Variants in SYNE1 observed in about 807,000 individuals in gnomAD.
SYNE1 encodes nesprin-1.
Under a neutral mutation model 1,111.0 loss-of-function variants are expected in SYNE1, and 616 were observed. That is an observed-to-expected ratio of 0.55 (90% CI 0.52 to 0.59). The LOEUF (loss-of-function observed/expected upper bound fraction) is 0.59, where lower values mean the gene tolerates loss of function less well. SYNE1 is among the 20% of genes least tolerant of loss of function. SYNE1 has a pLI of 0.00. For synonymous variants in SYNE1, 3,855 were observed against 3,825.8 expected (o/e 1.01, Z -0.28); for missense variants, 10,006 against 10,417.0 (o/e 0.96, Z 1.72).
intron 131 of SYNE1, among the ~76,000 whole-genome samples, chr6:152,157,499 G>T (rs112767245): frequency 1.5e-3 from 235 of 152,232 alleles, no homozygotes; most frequent in African/African-American, 4.5e-3. Context: ...CTTAATGTTC[G>T]ATAGAGTAGA....
chr6:152,143,725 G>C lies in SYNE1; in HGVS notation c.25017C>G (p.Gly8339=). The C allele has an allele frequency of 6.2e-7, 1 of 1,614,182 alleles. No individual in the cohort carries two copies. Among genetic ancestry groups the C allele is most frequent in the Non-Finnish European group, 8.5e-7 (1 of 1,180,044 alleles). Residue 8339 remains glycine, a synonymous_variant, in exon 138 of 146, where the codon GGC becomes GGG. Transcript: ENST00000367255. ...GAAAACGGCTATCATCCAGGGCTTT[G>C]CCCAGTTGTCGGATCTGTGACTCTA... ...SALESQIRQL[G]KALDDSRFQI...
At chr6:152,187,728 T>TGAGAGA (rs200143003) in intron 128 of SYNE1, among the ~76,000 whole-genome samples, 1 of 150,880 alleles carries the variant, frequency 6.6e-6, no homozygotes, top group Non-Finnish European at 1.5e-5. Context: ...TTTGTGTGTG[T>TGAGAGA]GAGAGAGAGA....
At chr6:152,336,587 C>T in intron 76 of SYNE1, 1 of 534,272 alleles carries the variant, frequency 1.9e-6, no homozygotes, top group Non-Finnish European at 3.4e-6. Flanking sequence ...TCTGATGTGG[C>T]CTCTGATCTG....
chr6:152,306,903 C>CAAA (rs973985274), intron 91 of SYNE1, among the ~76,000 whole-genome samples: 23 of 60,508 alleles, frequency 3.8e-4, no homozygotes, highest in African/African-American at 6.6e-4. Flanking sequence ...GACTGTGTCT[C>CAAA]AAAAAAAAAA....
At position 152,463,225 on chromosome 6, in the gene SYNE1, G is replaced by A. The variant is rs1313720433; in HGVS notation, c.2097+128C>T. ...TGAAGAACCAACCATAAAACACACC[G>A]GTTTTAAACATATCTATGCTTTGCC... On this transcript the variant is annotated intron_variant, in intron 19 of 145. Transcript: ENST00000367255. The A allele has an allele frequency of 5.4e-6, 7 of 1,305,224 alleles. No homozygotes were observed. The Admixed American group carries it at 5.6e-5, about 11-fold the overall frequency. The allele number at this position is 1,305,224 out of a possible 1,614,324, so 80.9% of individuals were successfully genotyped here. A position where few individuals can be genotyped will look rare whatever the true frequency, so the allele number is the denominator to read the frequency against.
In SYNE1 at chr6:152,206,170, TCAA is replaced by T; in HGVS notation, c.23014_23016del (p.Leu7672del). On this transcript the variant is annotated inframe_deletion, in exon 126 of 146. Coordinates refer to ENST00000367255, the MANE Select transcript of SYNE1 (RefSeq NM_182961.4). ...CGTTTTTTTCTAACTGAACTTACTT[TCAA>T]CAAGAAGGCTAGTTTTTTCTTCTGT... The T allele has an allele frequency of 6.2e-7, 1 of 1,613,444 alleles. No individual in the cohort carries two copies. The highest frequency in any genetic ancestry group is 8.5e-7 in the Non-Finnish European group (1 of 1,180,008).
intron 4 of SYNE1, among the ~76,000 whole-genome samples, chr6:152,533,538 T>C (rs2099216085): frequency 6.6e-6 from 1 of 152,158 alleles, no homozygotes; most frequent in African/African-American, 2.4e-5. Context: ...GTTGGCTTCA[T>C]TTTCAAAAGT....
chr6:152,631,463 G>A (rs575351883), intron 2 of SYNE1, among the ~76,000 whole-genome samples: 2 of 152,272 alleles, frequency 1.3e-5, no homozygotes, highest in East Asian at 3.9e-4. Flanking sequence ...TTCTCTAGCA[G>A]GCAACAGGAA....
At chr6:152,289,924 C>CG (rs2094516489) in intron 95 of SYNE1, among the ~76,000 whole-genome samples, 1 of 115,302 alleles carries the variant, frequency 8.7e-6, no homozygotes, top group Non-Finnish European at 1.8e-5. Context: ...CCGCGCCCAG[C>CG]CTTTTTTTTT....
chr6:152,332,590 G>A (rs2096272724), intron 77 of SYNE1, among the ~76,000 whole-genome samples: 1 of 152,156 alleles, frequency 6.6e-6, no homozygotes, highest in Admixed American at 6.5e-5. Context: ...AAATGATACT[G>A]AAAGAAATTA....
chr6:152,167,814 C>A (rs775006964), intron 130 of SYNE1: 5 of 607,256 alleles, frequency 8.2e-6, no homozygotes, highest in South Asian at 6.9e-5. Context: ...TGTGTCTCAG[C>A]CTCTCTACTC....
At chr6:152,490,820 A>G (rs758996398) in intron 11 of SYNE1, among the ~76,000 whole-genome samples, 2 of 152,168 alleles carry the variant, frequency 1.3e-5, no homozygotes, top group Non-Finnish European at 2.9e-5. Context: ...CTCCATGAGA[A>G]GATCCACCTA....
At position 152,152,003 on chromosome 6, in the gene SYNE1, C is replaced by T; in HGVS notation, c.24268G>A (p.Asp8090Asn). ...GAGGTGACACGCTTTTGCAGGTTGT[C>T]CCATCTCTGGTTGCCTTCGTGAACC... ...QMVHEGNQRW[D>N]NLQKRVTSIL... The change falls in exon 134 of 146, where the codon GAC becomes AAC. Residue 8090 changes from aspartate (D) to asparagine (N), a missense_variant. Transcript: ENST00000367255. 8 of 1,614,160 alleles carry T rather than the reference C, an allele frequency of 5.0e-6. No individual in the cohort carries two copies. Among genetic ancestry groups the T allele is most frequent in the Non-Finnish European group, 6.8e-6 (8 of 1,180,042 alleles).
At chr6:152,418,557 G>T (rs1322628638) in intron 40 of SYNE1, among the ~76,000 whole-genome samples, 3 of 152,130 alleles carry the variant, frequency 2.0e-5, no homozygotes, top group Non-Finnish European at 4.4e-5. Context: ...CGGAATTTTT[G>T]AATGTTTTCT....
At position 152,310,480 on chromosome 6, in the gene SYNE1, T is replaced by C. The variant is rs1227263066; in HGVS notation, c.16935A>G (p.Gln5645=). Residue 5645 remains glutamine, a synonymous_variant, in exon 89 of 146, where the codon CAA becomes CAG. Coordinates refer to ENST00000367255, the MANE Select transcript of SYNE1 (RefSeq NM_182961.4). ...KKFEAELKKL[Q]AALEQAQATL... ...TTGCCTGGGCTTGCTCCAAGGCAGC[T>C]TGTAACTTTTTCAACTCTGCTTCAA... 6.2e-7 allele frequency: 1 copy of C among 1,614,142 alleles called. No individual in the cohort carries two copies. The highest frequency in any genetic ancestry group is 1.1e-5 in the South Asian group (1 of 91,084).
In SYNE1 at chr6:152,317,407, G is replaced by C. The variant is rs565339367; in HGVS notation, c.16573-421C>G. ...CTGTTAAATTTTTGAATCTTTTGTA[G>C]GTTTCACCATGTTGCCCAGGCTGGT... On this transcript the variant is annotated intron_variant, in intron 86 of 145. Transcript: ENST00000367255. Among the ~76,000 whole-genome samples, 5 of 151,628 alleles carry C rather than the reference G, an allele frequency of 3.3e-5. No homozygotes were observed. In the South Asian group the frequency reaches 1.0e-3, roughly 32 times the overall value.
chr6:152,624,039 A>G (rs1348064320), intron 3 of SYNE1, among the ~76,000 whole-genome samples: 1 of 152,180 alleles, frequency 6.6e-6, no homozygotes, highest in Non-Finnish European at 1.5e-5. Context: ...GATTGTGATT[A>G]CTTTATACTG....
chr6:152,355,709 TAAAC>T (rs1376356624), intron 66 of SYNE1, among the ~76,000 whole-genome samples: 1 of 152,204 alleles, frequency 6.6e-6, no homozygotes. Context: ...TTTCTGGTGA[TAAAC>T]ATAAATCTAT....
rs555647300 is a variant in SYNE1 at position 152,364,748 on chromosome 6, G to T, written c.10145+99C>A. On this transcript the variant is annotated intron_variant, in intron 63 of 145. Coordinates refer to ENST00000367255, the MANE Select transcript of SYNE1 (RefSeq NM_182961.4). ...AGGAAGGGAGGAAGGAAAGGAAAGG[G>T]AAGGGAAGGGAAGCCGGCCACAGGA... 2,555 of 1,103,208 alleles carry T rather than the reference G, an allele frequency of 2.3e-3. 20 individuals are homozygous for T. The highest frequency in any genetic ancestry group is 3.1e-3 in the Admixed American group (156 of 50,078). The allele number at this position is 1,103,208 out of a possible 1,614,324, so 68.3% of individuals were successfully genotyped here. A position where few individuals can be genotyped will look rare whatever the true frequency, so the allele number is the denominator to read the frequency against.
Sources: gnomAD v4.1 joint callset for allele counts (sites outside exome capture counted in the v4.1 genomes callset) on GRCh38, gnomAD v4.1.1 for gene constraint, MANE v1.5 for transcripts, NCBI Gene and HGNC (gene_info 2026-07-23, HGNC 2026-07-21) for gene names.